NIPSNAP2: variants seen among roughly 807,000 people sequenced by gnomAD.
NIPSNAP2 encodes nipsnap homolog 2.
NIPSNAP2 carries 42 observed loss-of-function variants against 48.4 expected under a neutral mutation model. The observed-to-expected ratio is 0.87, with a 90% CI of 0.68 to 1.12. The LOEUF (loss-of-function observed/expected upper bound fraction) is 1.12. NIPSNAP2 is among the 50% of genes most tolerant of loss of function. NIPSNAP2 has a pLI of 0.00. For missense variants in NIPSNAP2, 314 were observed against 347.3 expected (o/e 0.90, Z 0.76); for synonymous variants, 158 against 126.6 (o/e 1.25, Z -1.67).
At chr7:55,977,016 G>A (rs1475022380) in intron 1 of NIPSNAP2, among the ~76,000 whole-genome samples, 1 of 152,286 alleles carries the variant, frequency 6.6e-6, no homozygotes, top group Non-Finnish European at 1.5e-5. Context: ...AGCAAATTAT[G>A]TGTTAATAAA....
intron 5 of NIPSNAP2, among the ~76,000 whole-genome samples, chr7:55,983,042 G>A (rs1323145738): frequency 6.6e-6 from 1 of 152,046 alleles, no homozygotes; most frequent in Non-Finnish European, 1.5e-5. Flanking sequence ...AGAATTGCTT[G>A]AACCCAGAAG....
At chr7:55,997,923 A>G (rs1787595843) in intron 9 of NIPSNAP2, among the ~76,000 whole-genome samples, 2 of 152,226 alleles carry the variant, frequency 1.3e-5, no homozygotes, top group South Asian at 2.1e-4. Context: ...ATACATAAGT[A>G]TATTATGAAA....
At chr7:55,998,015 T>C (rs555097266) in intron 9 of NIPSNAP2, among the ~76,000 whole-genome samples, 2 of 152,262 alleles carry the variant, frequency 1.3e-5, no homozygotes, top group Non-Finnish European at 2.9e-5. Context: ...GTACCAGCCA[T>C]GTTGCATGGC....
chr7:55,965,869 C>A (rs982723308), intron 1 of NIPSNAP2, among the ~76,000 whole-genome samples: 3 of 152,200 alleles, frequency 2.0e-5, no homozygotes, highest in African/African-American at 7.2e-5. Flanking sequence ...TCGTGAATCA[C>A]CAGGCGCGGC....
chr7:55,999,303 C>T lies in NIPSNAP2; in HGVS notation c.*231C>T, dbSNP rs896727485. The T allele has an allele frequency of 5.3e-5, 28 of 531,618 alleles. No homozygotes were observed. Among genetic ancestry groups the T allele is most frequent in the Non-Finnish European group, 8.3e-5 (25 of 302,860 alleles). The allele number at this position is 531,618 out of a possible 1,614,324, so 32.9% of individuals were successfully genotyped here. A position where few individuals can be genotyped will look rare whatever the true frequency, so the allele number is the denominator to read the frequency against. On this transcript the variant is annotated 3_prime_UTR_variant, in exon 10 of 10. Coordinates refer to ENST00000322090, the MANE Select transcript of NIPSNAP2 (RefSeq NM_001483.3). ...TCCTCTTTGAAACACCCCGTGTTGTCCAGTATACCTTATAACACTGAGCCA... is the reference window on the plus strand; with the variant it reads ...TCCTCTTTGAAACACCCCGTGTTGTTCAGTATACCTTATAACACTGAGCCA...
intron 1 of NIPSNAP2, among the ~76,000 whole-genome samples, chr7:55,973,935 G>T (rs1431378922): frequency 6.6e-6 from 1 of 152,132 alleles, no homozygotes; most frequent in Non-Finnish European, 1.5e-5. Context: ...CAAGAAAGCA[G>T]CAAACTAGGC....
chr7:55,978,313 G>C (rs770651596), intron 2 of NIPSNAP2, 37 bp from the exon 3 acceptor site: 1 of 1,612,908 alleles, frequency 6.2e-7, no homozygotes, highest in Non-Finnish European at 8.5e-7. Flanking sequence ...TTTCCCCTTT[G>C]TTCCTAAGTT....
rs373188275 is a variant in NIPSNAP2, at chr7:55,999,123, C to T, written c.*51C>T. Reference sequence around the variant, plus strand: ...ATACATTTCTGTGACAAGTATTTGTCGTAAATTAATTTTAATTGTGTATCA... The same window carrying T: ...ATACATTTCTGTGACAAGTATTTGTTGTAAATTAATTTTAATTGTGTATCA... On this transcript the variant is annotated 3_prime_UTR_variant, in exon 10 of 10. Transcript: ENST00000322090. The T allele has an allele frequency of 6.6e-5, 95 of 1,445,418 alleles. No individual in the cohort carries two copies. The highest frequency in any genetic ancestry group is 1.7e-4 in the Middle Eastern group (1 of 5,766). 89.5% of individuals were successfully genotyped at this position (1,445,418 alleles called of 1,614,324 possible). A position where few individuals can be genotyped will look rare whatever the true frequency, so the allele number is the denominator to read the frequency against.
chr7:55,992,329 A>G (rs1372674081), intron 7 of NIPSNAP2, among the ~76,000 whole-genome samples: 2 of 152,206 alleles, frequency 1.3e-5, no homozygotes, highest in East Asian at 3.9e-4. Context: ...AAACATAATA[A>G]AAAATAAAAA....
chr7:55,970,561 C>T (rs1240946975), intron 1 of NIPSNAP2, among the ~76,000 whole-genome samples: 1 of 152,074 alleles, frequency 6.6e-6, no homozygotes, highest in African/African-American at 2.4e-5. Context: ...ATCCGCCCAC[C>T]TCGGCCTCTC....
rs538245122 is a variant in NIPSNAP2 at position 55,998,475 on chromosome 7, A to G, written c.797-533A>G. Among the ~76,000 whole-genome samples, 12 of 148,648 alleles carry G rather than the reference A, an allele frequency of 8.1e-5. No homozygotes were observed. The East Asian group carries it at 1.6e-3, about 19-fold the overall frequency. The stretch of plus-strand genomic sequence containing the variant: ...TTTCCTACCTCCCACAAATAAAACA[A>G]ATATCCAGGTAGGATCTGTTTTTTT... On this transcript the variant is annotated intron_variant, in intron 9 of 9. Transcript: ENST00000322090.
At chr7:55,997,093 A>AGGC (rs1469331338) in intron 8 of NIPSNAP2, among the ~76,000 whole-genome samples, 1 of 151,834 alleles carries the variant, frequency 6.6e-6, no homozygotes. Flanking sequence ...TAGGAGGTCA[A>AGGC]GGCCGTGGTG....
chr7:55,998,203 T>G (rs968279638), intron 9 of NIPSNAP2, among the ~76,000 whole-genome samples: 1 of 151,480 alleles, frequency 6.6e-6, no homozygotes, highest in Admixed American at 6.6e-5. Context: ...AGGTGGAGAT[T>G]GTGCCACTGC....
chr7:55,993,939 A>G (rs1787503324), intron 7 of NIPSNAP2, among the ~76,000 whole-genome samples: 1 of 151,984 alleles, frequency 6.6e-6, no homozygotes, highest in African/African-American at 2.4e-5. Flanking sequence ...AAAAAAAAAA[A>G]AGCAAGAGGC....
At chr7:55,986,443 C>T (rs1273189900) in intron 7 of NIPSNAP2, among the ~76,000 whole-genome samples, 2 of 152,098 alleles carry the variant, frequency 1.3e-5, no homozygotes, top group African/African-American at 4.8e-5. Context: ...GGGAAGATCA[C>T]TTGAGGTCAG....
At chr7:55,979,363 G>C (rs1172313857) in intron 3 of NIPSNAP2, 1 of 156,144 alleles carries the variant, frequency 6.4e-6, no homozygotes, top group Non-Finnish European at 1.4e-5. Context: ...CCTGTCTCGG[G>C]TTTCTGGCTG....
At chr7:55,972,746 GATATCCCT>G (rs1457948895) in intron 1 of NIPSNAP2, among the ~76,000 whole-genome samples, 17 of 152,082 alleles carry the variant, frequency 1.1e-4, no homozygotes, top group Non-Finnish European at 1.9e-4. Context: ...TTATTAAACA[GATATCCCT>G]AAATGTAGTG....
At chr7:55,982,460 C>T (rs1787233884) in intron 5 of NIPSNAP2, among the ~76,000 whole-genome samples, 180 bp downstream of exon 5, 1 of 152,124 alleles carries the variant, frequency 6.6e-6, no homozygotes, top group African/African-American at 2.4e-5. Context: ...ATTCAAACAA[C>T]AATTCTGACC....
chr7:55,990,251 C>T (rs182005302), intron 7 of NIPSNAP2, among the ~76,000 whole-genome samples: 72 of 129,124 alleles, frequency 5.6e-4, no homozygotes, highest in South Asian at 1.7e-3. Flanking sequence ...TTTTTTGAGA[C>T]GGAGTCTTGC....
Sources: allele counts gnomAD v4.1 joint callset (sites outside exome capture counted in the v4.1 genomes callset), GRCh38; gene constraint gnomAD v4.1.1; transcripts MANE v1.5; gene names NCBI Gene and HGNC (gene_info 2026-07-23, HGNC 2026-07-21).